ALDH1A1: variants seen among roughly 807,000 people sequenced by gnomAD.
ALDH1A1 encodes the protein aldehyde dehydrogenase 1 family member A1, also known as aldehyde dehydrogenase 1A1.
ALDH1A1 carries 19 observed loss-of-function variants against 62.1 expected under a neutral mutation model. The observed-to-expected ratio is 0.31, with a 90% CI of 0.21 to 0.45. The LOEUF (loss-of-function observed/expected upper bound fraction) is 0.45. Among genes scored for constraint, ALDH1A1 ranks in the 20% least tolerant of loss-of-function variants. The probability of loss-of-function intolerance (pLI) is 1.00; values close to 1 mark genes in which losing one functional copy is unlikely to be tolerated. For synonymous variants in ALDH1A1, 231 were observed against 215.9 expected, an observed-to-expected ratio of 1.07 and a Z score of -0.61; for missense variants, 521 against 607.1, an observed-to-expected ratio of 0.86 and a Z score of 1.49.
At chr9:72,919,764 G>A (rs1056130444) in intron 7 of ALDH1A1, among the ~76,000 whole-genome samples, 3 of 152,170 alleles carry the variant, frequency 2.0e-5, no homozygotes, top group South Asian at 2.1e-4. Context: ...CAGTGGAACT[G>A]GATGAAAGAA....
At chr9:72,943,043 C>G (rs74413198) in intron 1 of ALDH1A1, among the ~76,000 whole-genome samples, 1 of 152,054 alleles carries the variant, frequency 6.6e-6, no homozygotes, top group Non-Finnish European at 1.5e-5. Flanking sequence ...AAACCTGCAT[C>G]AGATTTATTC....
At chr9:72,946,532 A>G (rs1343574782) in intron 1 of ALDH1A1, among the ~76,000 whole-genome samples, 3 of 151,982 alleles carry the variant, frequency 2.0e-5, no homozygotes, top group Non-Finnish European at 2.9e-5. Context: ...TGCTATATAC[A>G]TCTATACACC....
intron 2 of ALDH1A1, among the ~76,000 whole-genome samples, chr9:72,934,893 A>G (rs1287457786): frequency 1.3e-5 from 2 of 152,166 alleles, no homozygotes; most frequent in African/African-American, 4.8e-5. Flanking sequence ...TAGTTCTTAC[A>G]TCTCTGTAAG....
intron 1 of ALDH1A1, among the ~76,000 whole-genome samples, chr9:72,944,923 A>G (rs2118576655): frequency 6.6e-6 from 1 of 152,184 alleles, no homozygotes; most frequent in Middle Eastern, 3.4e-3. Flanking sequence ...CTATATGGGG[A>G]AGCAATCAAT....
chr9:72,941,710 A>G (rs1830416702), intron 1 of ALDH1A1, among the ~76,000 whole-genome samples: 1 of 152,206 alleles, frequency 6.6e-6, no homozygotes, highest in Non-Finnish European at 1.5e-5. Context: ...CTGCAAATGA[A>G]TACTCTATGA....
intron 10 of ALDH1A1, among the ~76,000 whole-genome samples, chr9:72,910,221 T>C (rs945255621): frequency 6.6e-6 from 1 of 152,216 alleles, no homozygotes; most frequent in Non-Finnish European, 1.5e-5. Flanking sequence ...TGATTGATAA[T>C]AATAATGCTT....
At chr9:72,918,543 C>T (rs1830092709) in intron 8 of ALDH1A1, among the ~76,000 whole-genome samples, 177 bp downstream of exon 8, 1 of 147,546 alleles carries the variant, frequency 6.8e-6, no homozygotes, top group Non-Finnish European at 1.5e-5. Context: ...TGTGTTATAA[C>T]TTTAGGATGA....
chr9:72,928,976 G>C lies in ALDH1A1; in HGVS notation c.358C>G (p.Leu120Val). 1 of 1,613,888 alleles carries C rather than the reference G, an allele frequency of 6.2e-7. No individual in the cohort carries two copies. Among genetic ancestry groups the C allele is most frequent in the Admixed American group, 1.7e-5 (1 of 59,994 alleles). The change falls in exon 4 of 13, where the codon CTG (leucine) becomes GTG (valine). Residue 120 changes from leucine to valine, a missense_variant. By Grantham distance (32) the Leu-to-Val change is conservative (BLOSUM62 1). Coordinates refer to ENST00000297785, the MANE Select transcript of ALDH1A1 (RefSeq NM_000689.5). ...TTGATGCAGCCTGCTAAATCATTCA[G>C]ATATGCATTGGAATAGAGTTTTCCA... ...NGGKLYSNAY[L>V]NDLAGCIKTL... is the part of the protein sequence containing the mutation.
intron 12 of ALDH1A1, among the ~76,000 whole-genome samples, chr9:72,905,201 T>C (rs1829863070): frequency 6.6e-6 from 1 of 152,142 alleles, no homozygotes; most frequent in African/African-American, 2.4e-5. Context: ...CATTAATACA[T>C]GTAAAAAAGT....
chr9:72,936,068 G>A (rs113694527), intron 2 of ALDH1A1, among the ~76,000 whole-genome samples: 37 of 152,276 alleles, frequency 2.4e-4, no homozygotes, highest in African/African-American at 8.7e-4. Flanking sequence ...GTAACCAGTT[G>A]ACCAGCCAAC....
At chr9:72,917,475 A>AT (rs1339431696) in intron 8 of ALDH1A1, among the ~76,000 whole-genome samples, 1 of 152,162 alleles carries the variant, frequency 6.6e-6, no homozygotes, top group Admixed American at 6.5e-5. Context: ...TAAACAGATA[A>AT]TAAAAAAAAC....
intron 1 of ALDH1A1, among the ~76,000 whole-genome samples, chr9:72,950,255 C>T (rs1563919178): frequency 1.3e-5 from 2 of 151,708 alleles, no homozygotes; most frequent in African/African-American, 4.8e-5. Context: ...CCATTTTAAA[C>T]ATAAGAAAAC....
chr9:72,908,617 AAGAAAGAAAGAG>A (rs1829934406), intron 11 of ALDH1A1, among the ~76,000 whole-genome samples: 1 of 116,088 alleles, frequency 8.6e-6, no homozygotes, highest in Non-Finnish European at 1.9e-5. Context: ...GAAAGAAAGA[AAGAAAGAAAGAG>A]AATATTGCAT....
At chr9:72,933,049 T>A (rs1040728182) in intron 2 of ALDH1A1, among the ~76,000 whole-genome samples, 4 of 152,234 alleles carry the variant, frequency 2.6e-5, no homozygotes, top group Non-Finnish European at 5.9e-5. Flanking sequence ...TATGATTATG[T>A]CCTTTGGATC....
At chr9:72,931,175 T>C (rs578233464) in intron 2 of ALDH1A1, among the ~76,000 whole-genome samples, 156 bp from the exon 3 acceptor site, 1 of 152,086 alleles carries the variant, frequency 6.6e-6, no homozygotes, top group African/African-American at 2.4e-5. Flanking sequence ...TCAACTACTG[T>C]ATGTTGGAAT....
chr9:72,945,089 C>A (rs1342972140), intron 1 of ALDH1A1, among the ~76,000 whole-genome samples: 1 of 152,052 alleles, frequency 6.6e-6, no homozygotes, highest in Admixed American at 6.6e-5. Context: ...AAAAAAATTG[C>A]CTTTCCAGAG....
chr9:72,902,054 T>TC (rs935373076), intron 12 of ALDH1A1, among the ~76,000 whole-genome samples: 108 of 152,194 alleles, frequency 7.1e-4, no homozygotes, highest in African/African-American at 2.5e-3. Context: ...TGTTGTTTTT[T>TC]CCCCTTTATA....
At chr9:72,906,106 A>T (rs1829875510) in intron 11 of ALDH1A1, 74 bp from the exon 12 acceptor site, 1 of 1,135,614 alleles carries the variant, frequency 8.8e-7, no homozygotes, top group Admixed American at 2.4e-5. Flanking sequence ...CAGTTTTAGA[A>T]ATTTGGAAAG....
rs569389952 is a variant in ALDH1A1, at chr9:72,900,938, A to G, written c.*270T>C. The G allele has an allele frequency of 7.2e-4, 191 of 265,410 alleles. 1 individual carries two copies. The highest frequency in any genetic ancestry group is 1.1e-3 in the Non-Finnish European group (151 of 139,874). The allele number at this position is 265,410 out of a possible 1,614,324, so 16.4% of individuals were successfully genotyped here. A position where few individuals can be genotyped will look rare whatever the true frequency, so the allele number is the denominator to read the frequency against. On this transcript the variant is annotated 3_prime_UTR_variant, in exon 13 of 13. Coordinates refer to ENST00000297785, the MANE Select transcript of ALDH1A1 (RefSeq NM_000689.5). ...AAAAGTAGCTACAAAGGAAAATCAC[A>G]TAACTATGACAAAGCTAGAGAGATC...
Sources: gnomAD v4.1 joint callset for allele counts (sites outside exome capture counted in the v4.1 genomes callset) on GRCh38, gnomAD v4.1.1 for gene constraint, MANE v1.5 for transcripts, NCBI Gene and HGNC (gene_info 2026-07-23, HGNC 2026-07-21) for gene names.